SHTN1: variants seen among roughly 807,000 people sequenced by gnomAD.
SHTN1 encodes shootin-1.
In SHTN1, 42 loss-of-function variants were observed where a neutral mutation model predicts 83.1. The ratio of observed to expected loss-of-function variants is 0.51; its 90% CI spans 0.39 to 0.65. The LOEUF (loss-of-function observed/expected upper bound fraction) is 0.65. Ranked by LOEUF, SHTN1 falls within the 30% of genes least tolerant of loss-of-function variation. The pLI is 0.00. For missense variants in SHTN1, 622 were observed against 737.8 expected, an observed-to-expected ratio of 0.84 and a Z score of 1.82; for synonymous variants, 224 against 247.7, an observed-to-expected ratio of 0.90 and a Z score of 0.90.
intron 1 of SHTN1, among the ~76,000 whole-genome samples, chr10:116,983,976 C>G (rs1232917807): frequency 6.6e-6 from 1 of 152,108 alleles, no homozygotes; most frequent in East Asian, 1.9e-4. Context: ...CATGACATAG[C>G]CAGCCCAACA....
chr10:117,114,250 C>T (rs1422979511), intron 1 of SHTN1, among the ~76,000 whole-genome samples: 5 of 151,952 alleles, frequency 3.3e-5, no homozygotes, highest in Non-Finnish European at 7.4e-5. Flanking sequence ...GTGGTAGAAT[C>T]GAGATTCAAA....
At chr10:116,896,287 C>T (rs369123490) in intron 16 of SHTN1, among the ~76,000 whole-genome samples, 3 of 152,166 alleles carry the variant, frequency 2.0e-5, no homozygotes, top group East Asian at 3.9e-4. Flanking sequence ...AAGGCAATTT[C>T]ACCCACACTG....
intron 14 of SHTN1, among the ~76,000 whole-genome samples, chr10:116,910,249 T>A (rs1848137086): frequency 6.6e-6 from 1 of 152,104 alleles, no homozygotes; most frequent in South Asian, 2.1e-4. Context: ...GCTCTACTTT[T>A]AAAAAAACTT....
At chr10:116,987,725 G>A (rs1274668448) in intron 1 of SHTN1, among the ~76,000 whole-genome samples, 1 of 152,008 alleles carries the variant, frequency 6.6e-6, no homozygotes, top group Non-Finnish European at 1.5e-5. Flanking sequence ...GACCATCATG[G>A]CCAACATAGT....
intron 1 of SHTN1, among the ~76,000 whole-genome samples, chr10:117,077,827 C>A (rs1438434854): frequency 6.6e-6 from 1 of 152,236 alleles, no homozygotes; most frequent in East Asian, 1.9e-4. Flanking sequence ...TTTATGGCTA[C>A]ATAGTGATTT....
chr10:116,953,623 GTTTTTTTTT>G (rs759706275), intron 5 of SHTN1, among the ~76,000 whole-genome samples: 3 of 92,720 alleles, frequency 3.2e-5, no homozygotes, highest in Non-Finnish European at 5.8e-5. Flanking sequence ...TTTGTGTTTT[GTTTTTTTTT>G]TTTTTTTTTT....
intron 1 of SHTN1, among the ~76,000 whole-genome samples, chr10:116,980,344 G>A (rs1490081075): frequency 2.0e-5 from 3 of 152,050 alleles, no homozygotes; most frequent in Non-Finnish European, 4.4e-5. Context: ...TTAGGCTGGA[G>A]TGCAGTGGCA....
intron 3 of SHTN1, among the ~76,000 whole-genome samples, chr10:116,963,436 G>T (rs1243003439): frequency 6.6e-6 from 1 of 151,954 alleles, no homozygotes; most frequent in Non-Finnish European, 1.5e-5. Flanking sequence ...TCTGAATTGG[G>T]CTTGTCTCAG....
chr10:117,090,010 C>T (rs1052680686), intron 1 of SHTN1, among the ~76,000 whole-genome samples: 6 of 152,116 alleles, frequency 3.9e-5, no homozygotes, highest in Admixed American at 6.6e-5. Context: ...CTATGGAAAA[C>T]AGCACAGTGG....
chr10:117,123,599 C>T (rs1853961314), intron 1 of SHTN1, among the ~76,000 whole-genome samples: 1 of 152,106 alleles, frequency 6.6e-6, no homozygotes, highest in Non-Finnish European at 1.5e-5. Flanking sequence ...AATGTACTGC[C>T]AGAGTACTCT....
intron 1 of SHTN1, among the ~76,000 whole-genome samples, chr10:117,064,359 T>C (rs1447924599): frequency 6.6e-6 from 1 of 152,154 alleles, no homozygotes; most frequent in Non-Finnish European, 1.5e-5. Context: ...TGCCTCTCAC[T>C]AGAAATGTAC....
intron 3 of SHTN1, among the ~76,000 whole-genome samples, chr10:116,960,541 A>T (rs1850149594): frequency 1.3e-5 from 2 of 152,354 alleles, no homozygotes; most frequent in South Asian, 4.1e-4. Flanking sequence ...ATCCATAGAC[A>T]TATGTGCTAG....
At chr10:117,002,682 CACT>C (rs1325121170) in intron 1 of SHTN1, among the ~76,000 whole-genome samples, 1 of 152,174 alleles carries the variant, frequency 6.6e-6, no homozygotes, top group Non-Finnish European at 1.5e-5. Context: ...AGTAACTGAA[CACT>C]TTTGAAGTAA....
At chr10:117,023,441 CTGAA>C (rs1852290034) in intron 2 of SHTN1, among the ~76,000 whole-genome samples, 1 of 152,134 alleles carries the variant, frequency 6.6e-6, no homozygotes, top group Admixed American at 6.6e-5. Flanking sequence ...ATGAAATTCT[CTGAA>C]TGTGCAATAA....
upstream of SHTN1, chr10:117,005,349 A>G (rs142055594): frequency 1.2e-3 from 1,586 of 1,278,278 alleles, 41 homozygotes; most frequent in East Asian, 0.046. Flanking sequence ...GCGGGTCGGC[A>G]GCCGCTATGC....
At chr10:116,973,272 T>C (rs1489034107) in intron 2 of SHTN1, among the ~76,000 whole-genome samples, 1 of 152,200 alleles carries the variant, frequency 6.6e-6, no homozygotes, top group Non-Finnish European at 1.5e-5. Context: ...CTTCCACTAA[T>C]ATAAATATTC....
At chr10:117,123,750 CA>C (rs201879352) in intron 1 of SHTN1, among the ~76,000 whole-genome samples, 10 of 146,848 alleles carry the variant, frequency 6.8e-5, no homozygotes, top group South Asian at 6.5e-4. Context: ...ACTAAAAATA[CA>C]AAAAAAAATC....
At chr10:116,939,797 T>C (rs538044007) in intron 9 of SHTN1, among the ~76,000 whole-genome samples, 1 of 152,294 alleles carries the variant, frequency 6.6e-6, no homozygotes, top group South Asian at 2.1e-4. Context: ...ACATTATAAG[T>C]AGTATAAACA....
In SHTN1 at chr10:116,886,089, T is replaced by C; in HGVS notation, c.*255A>G. 1 of 506,210 alleles carries C rather than the reference T, an allele frequency of 2.0e-6. No homozygotes were observed. The highest frequency in any genetic ancestry group is 3.4e-6 in the Non-Finnish European group (1 of 290,194). 31.4% of individuals were successfully genotyped at this position (506,210 alleles called of 1,614,324 possible). A position where few individuals can be genotyped will look rare whatever the true frequency, so the allele number is the denominator to read the frequency against. ...TTTTGTAACCTTCTAAAAGAAGTCATACTTAATACAGTAACTAGGAAAAAA... is the reference window on the plus strand; with the variant it reads ...TTTTGTAACCTTCTAAAAGAAGTCACACTTAATACAGTAACTAGGAAAAAA... On this transcript the variant is annotated 3_prime_UTR_variant, in exon 17 of 17. Transcript: ENST00000355371.
Sources: gnomAD v4.1 joint callset for allele counts (sites outside exome capture counted in the v4.1 genomes callset) on GRCh38, gnomAD v4.1.1 for gene constraint, MANE v1.5 for transcripts, NCBI Gene and HGNC (gene_info 2026-07-23, HGNC 2026-07-21) for gene names.